Variants in CNBD1 observed in about 807,000 individuals in gnomAD.
CNBD1 encodes the protein cyclic nucleotide binding domain containing 1, also known as cyclic nucleotide-binding domain-containing protein 1.
In CNBD1, 71 loss-of-function variants were observed where a neutral mutation model predicts 54.4. That is an observed-to-expected ratio of 1.30 (90% CI 1.08 to 1.59). The LOEUF is 1.59. CNBD1 is among the 40% of genes most tolerant of loss of function. CNBD1 has a pLI of 0.00. For synonymous variants in CNBD1, 182 were observed against 170.7 expected, an observed-to-expected ratio of 1.07 and a Z score of -0.51; for missense variants, 659 against 518.0, an observed-to-expected ratio of 1.27 and a Z score of -2.64.
intron 8 of CNBD1, among the ~76,000 whole-genome samples, chr8:87,314,952 A>G (rs10098053): frequency 0.38 from 57,484 of 151,910 alleles, 11,160 homozygotes; most frequent in Middle Eastern, 0.45. Flanking sequence ...CACTAAATTC[A>G]TTAGCCCAAC....
At chr8:87,208,340 CATT>C (rs1411910401) in intron 5 of CNBD1, among the ~76,000 whole-genome samples, 8 of 151,976 alleles carry the variant, frequency 5.3e-5, no homozygotes, top group African/African-American at 1.9e-4. Flanking sequence ...GAATAAAACA[CATT>C]ATGTGTGTCT....
At chr8:87,053,533 G>T (rs1810354736) in intron 4 of CNBD1, among the ~76,000 whole-genome samples, 1 of 152,144 alleles carries the variant, frequency 6.6e-6, no homozygotes, top group Non-Finnish European at 1.5e-5. Context: ...AGACAGAAGG[G>T]GTGTCCCCCC....
intron 6 of CNBD1, among the ~76,000 whole-genome samples, chr8:87,255,708 C>T (rs1005106601): frequency 7.9e-5 from 12 of 151,674 alleles, no homozygotes; most frequent in East Asian, 3.9e-4. Context: ...TAGAGCCAAA[C>T]TGCCTAACTT....
chr8:87,401,595 C>T (rs1177708205), intron 2 of CNBD1, among the ~76,000 whole-genome samples: 1 of 151,952 alleles, frequency 6.6e-6, no homozygotes, highest in Non-Finnish European at 1.5e-5. Flanking sequence ...ACCAATGATG[C>T]ATATTTCAGT....
chr8:87,338,619 G>A (rs1217243512), intron 8 of CNBD1, among the ~76,000 whole-genome samples: 1 of 139,940 alleles, frequency 7.1e-6, no homozygotes, highest in Non-Finnish European at 1.5e-5. Context: ...TTTTTTCTTT[G>A]TTTTTTTTTT....
At chr8:86,986,104 A>C (rs748438657) in intron 4 of CNBD1, among the ~76,000 whole-genome samples, 1 of 151,670 alleles carries the variant, frequency 6.6e-6, no homozygotes, top group African/African-American at 2.4e-5. Flanking sequence ...TAATTTTCCT[A>C]TTTTTAGTAG....
At chr8:86,971,828 A>C (rs531260294) in intron 4 of CNBD1, among the ~76,000 whole-genome samples, 22 of 152,304 alleles carry the variant, frequency 1.4e-4, no homozygotes, top group African/African-American at 4.8e-4. Flanking sequence ...ACACATATTA[A>C]TTCTAAACAT....
At chr8:87,387,386 G>A (rs574045926), downstream of CNBD1, among the ~76,000 whole-genome samples, 1 of 152,054 alleles carries the variant, frequency 6.6e-6, no homozygotes, top group Admixed American at 6.5e-5. Context: ...ACACACATAG[G>A]CTCAAAATAA....
chr8:87,062,377 A>T (rs1054251546), intron 4 of CNBD1, among the ~76,000 whole-genome samples: 1 of 151,810 alleles, frequency 6.6e-6, no homozygotes, highest in African/African-American at 2.4e-5. Flanking sequence ...TACATTATTA[A>T]GAAAAAATGG....
rs114838470 is a variant in CNBD1 at position 87,331,224 on chromosome 8, G to A, written c.1043-20461G>A. Among the ~76,000 whole-genome samples the A allele has an allele frequency of 9.8e-3, 1,487 of 152,006 alleles. 20 individuals are homozygous for A. The highest frequency in any genetic ancestry group is 0.033 in the African/African-American group (1,354 of 41,468). On this transcript the variant is annotated intron_variant, in intron 8 of 10. Coordinates refer to ENST00000518476, the MANE Select transcript of CNBD1 (RefSeq NM_173538.3). The stretch of plus-strand genomic sequence containing the variant: ...GAGGCTTTCCCACCCCTTGCACCCC[G>A]CTGACAGGTCCAGGTGTGTGTTGTT...
At chr8:87,184,119 C>T (rs1226235193) in intron 4 of CNBD1, among the ~76,000 whole-genome samples, 1 of 152,114 alleles carries the variant, frequency 6.6e-6, no homozygotes, top group Non-Finnish European at 1.5e-5. Flanking sequence ...CACGGGTTGG[C>T]TGTTGGGGGT....
At chr8:87,380,335 T>G (rs949578969) in intron 10 of CNBD1, among the ~76,000 whole-genome samples, 1 of 151,858 alleles carries the variant, frequency 6.6e-6, no homozygotes, top group African/African-American at 2.4e-5. Context: ...CATATATACA[T>G]GGATTTATTT....
chr8:86,901,695 G>A (rs180992467), intron 2 of CNBD1, among the ~76,000 whole-genome samples: 53 of 152,244 alleles, frequency 3.5e-4, no homozygotes, highest in African/African-American at 1.2e-3. Flanking sequence ...AGTCTTTATT[G>A]TGTGGCTTCC....
intron 8 of CNBD1, 139 bp from the exon 9 acceptor site, chr8:87,351,544 ACT>A (rs1262196033): frequency 4.3e-6 from 3 of 701,292 alleles, no homozygotes; most frequent in African/African-American, 1.9e-5. Context: ...TGTATTAAGT[ACT>A]GTCTATAAAC....
intron 4 of CNBD1, among the ~76,000 whole-genome samples, chr8:86,957,748 C>A (rs966996345): frequency 1.8e-4 from 28 of 152,128 alleles, no homozygotes; most frequent in Non-Finnish European, 4.4e-5. Flanking sequence ...TTCTAGCAGT[C>A]TATCAATTTT....
intron 8 of CNBD1, among the ~76,000 whole-genome samples, chr8:87,346,129 C>A (rs776062640): frequency 2.0e-5 from 3 of 151,970 alleles, no homozygotes; most frequent in African/African-American, 2.4e-5. Flanking sequence ...ACAGCCTCTG[C>A]CTCCCTGATT....
intron 2 of CNBD1, among the ~76,000 whole-genome samples, chr8:86,893,917 C>G (rs1808809356): frequency 6.6e-6 from 1 of 151,892 alleles, no homozygotes; most frequent in African/African-American, 2.4e-5. Context: ...CTTTTATTAC[C>G]TGAATCCAGG....
intron 4 of CNBD1, among the ~76,000 whole-genome samples, chr8:86,951,856 G>A (rs986607059): frequency 2.6e-5 from 4 of 151,894 alleles, no homozygotes; most frequent in African/African-American, 4.8e-5. Flanking sequence ...GAAAAATCAA[G>A]CTGGGAAGTA....
intron 3 of CNBD1, among the ~76,000 whole-genome samples, chr8:86,927,243 A>C (rs181503415): frequency 2.6e-5 from 4 of 152,194 alleles, no homozygotes; most frequent in Non-Finnish European, 5.9e-5. Context: ...TTGGAGAAAA[A>C]ACCATTTTGT....
Sources: gnomAD v4.1 joint callset for allele counts (sites outside exome capture counted in the v4.1 genomes callset) on GRCh38, gnomAD v4.1.1 for gene constraint, MANE v1.5 for transcripts, NCBI Gene and HGNC (gene_info 2026-07-23, HGNC 2026-07-21) for gene names.